Variants in SCHIP1 observed in about 807,000 individuals in gnomAD.
SCHIP1 encodes schwannomin-interacting protein 1.
A neutral mutation model predicts 29.7 loss-of-function variants in SCHIP1; 8 were observed. The observed-to-expected ratio is 0.27, with a 90% CI of 0.16 to 0.49. The LOEUF is 0.49. SCHIP1 is among the 20% of genes least tolerant of loss of function. The pLI is 0.99. For synonymous variants in SCHIP1, 76 were observed against 94.9 expected, an observed-to-expected ratio of 0.80 and a Z score of 1.16; for missense variants, 193 against 294.6, an observed-to-expected ratio of 0.66 and a Z score of 2.52.
the SCHIP1 span, among the ~76,000 whole-genome samples, chr3:159,488,443 C>G: frequency 1.3e-5 from 2 of 151,802 alleles, no homozygotes; most frequent in Non-Finnish European, 2.9e-5. Flanking sequence ...TTTATGTACC[C>G]CATAAATATA....
At chr3:159,539,219 G>T in the SCHIP1 span, among the ~76,000 whole-genome samples, 2 of 142,024 alleles carry the variant, frequency 1.4e-5, no homozygotes, top group African/African-American at 2.5e-5. Context: ...TAACTTTTTG[G>T]TAGTCAATAA....
At chr3:159,799,551 C>G in the SCHIP1 span, among the ~76,000 whole-genome samples, 1 of 152,184 alleles carries the variant, frequency 6.6e-6, no homozygotes, top group Non-Finnish European at 1.5e-5. Flanking sequence ...AGCCTGCTGG[C>G]CAACTGACAG....
At chr3:159,465,315 T>TTGTGTGTGTGTGTG in the SCHIP1 span, among the ~76,000 whole-genome samples, 2 of 148,276 alleles carry the variant, frequency 1.3e-5, no homozygotes, top group African/African-American at 4.9e-5. Flanking sequence ...ATGTGTATGA[T>TTGTGTGTGTGTGTG]TGTGTGTGTG....
chr3:159,654,217 C>A, the SCHIP1 span, among the ~76,000 whole-genome samples: 1 of 152,118 alleles, frequency 6.6e-6, no homozygotes, highest in Non-Finnish European at 1.5e-5. Flanking sequence ...AGAATTTTAA[C>A]ATTAATAAAA....
At chr3:159,701,024 AT>A in the SCHIP1 span, among the ~76,000 whole-genome samples, 1 of 152,166 alleles carries the variant, frequency 6.6e-6, no homozygotes, top group East Asian at 1.9e-4. Flanking sequence ...AATGAGGATG[AT>A]TAAAGTTCCT....
chr3:159,688,516 G>GTT, the SCHIP1 span, among the ~76,000 whole-genome samples: 1 of 152,100 alleles, frequency 6.6e-6, no homozygotes, highest in Admixed American at 6.5e-5. Context: ...CAGATGGGTA[G>GTT]ATTGCAAAAA....
chr3:159,289,862 C>T, the SCHIP1 span, among the ~76,000 whole-genome samples: 1 of 152,334 alleles, frequency 6.6e-6, no homozygotes, highest in Admixed American at 6.5e-5. Flanking sequence ...AACGTTCTTA[C>T]AAGTGAAGGG....
chr3:159,728,758 T>C, the SCHIP1 span, among the ~76,000 whole-genome samples: 4 of 152,334 alleles, frequency 2.6e-5, no homozygotes, highest in South Asian at 8.3e-4. Context: ...TGAGAGGCCC[T>C]GGATCCCTGG....
chr3:159,315,505 T>C, the SCHIP1 span, among the ~76,000 whole-genome samples: 1 of 151,488 alleles, frequency 6.6e-6, no homozygotes, highest in Non-Finnish European at 1.5e-5. Flanking sequence ...TTAGGACTTC[T>C]AATGCTTGTA....
At chr3:159,729,435 T>C in the SCHIP1 span, among the ~76,000 whole-genome samples, 1 of 152,148 alleles carries the variant, frequency 6.6e-6, no homozygotes, top group South Asian at 2.1e-4. Context: ...TATTTACAGA[T>C]GATATGATCG....
At chr3:159,853,334 A>T (rs545889999) in intron 1 of SCHIP1, 2 of 675,868 alleles carry the variant, frequency 3.0e-6, no homozygotes, top group Admixed American at 4.3e-5. Context: ...GCCTATCAGA[A>T]TTCATGGGAG....
At chr3:159,506,432 T>C in the SCHIP1 span, among the ~76,000 whole-genome samples, 2 of 152,236 alleles carry the variant, frequency 1.3e-5, no homozygotes, top group South Asian at 4.1e-4. Flanking sequence ...TTCACTCTGA[T>C]GGTAGTTTCT....
chr3:159,750,564 A>G, the SCHIP1 span, among the ~76,000 whole-genome samples: 1 of 152,164 alleles, frequency 6.6e-6, no homozygotes, highest in Non-Finnish European at 1.5e-5. Flanking sequence ...GCCAGGTAGG[A>G]TGTGGAATCA....
chr3:159,490,368 A>C, the SCHIP1 span, among the ~76,000 whole-genome samples: 1 of 152,338 alleles, frequency 6.6e-6, no homozygotes, highest in East Asian at 1.9e-4. Context: ...AAAATGTAAC[A>C]ATATGCAAAT....
At chr3:159,780,268 A>G in the SCHIP1 span, among the ~76,000 whole-genome samples, 1 of 152,212 alleles carries the variant, frequency 6.6e-6, no homozygotes, top group Non-Finnish European at 1.5e-5. Flanking sequence ...TGAAGGGACC[A>G]TGGCTGTGAC....
At chr3:159,586,532 G>C in the SCHIP1 span, among the ~76,000 whole-genome samples, 1 of 152,104 alleles carries the variant, frequency 6.6e-6, no homozygotes, top group Admixed American at 6.6e-5. Context: ...ATTAAATGCT[G>C]TATCCAGAAA....
chr3:159,312,169 T>C, the SCHIP1 span, among the ~76,000 whole-genome samples: 1 of 152,276 alleles, frequency 6.6e-6, no homozygotes, highest in South Asian at 2.1e-4. Flanking sequence ...ATCTCCTATA[T>C]TAATATTTTC....
chr3:159,456,992 G>C, the SCHIP1 span, among the ~76,000 whole-genome samples: 7 of 152,000 alleles, frequency 4.6e-5, no homozygotes, highest in African/African-American at 1.7e-4. Context: ...TAATTAGCGT[G>C]GCAAAATAAA....
the SCHIP1 span, among the ~76,000 whole-genome samples, chr3:159,819,013 C>G: frequency 6.6e-6 from 1 of 152,316 alleles, no homozygotes; most frequent in Non-Finnish European, 1.5e-5. Flanking sequence ...GTTTGTGGCA[C>G]AGAATTTCTC....
Sources: gnomAD v4.1 joint callset for allele counts (sites outside exome capture counted in the v4.1 genomes callset) on GRCh38, gnomAD v4.1.1 for gene constraint, MANE v1.5 for transcripts, NCBI Gene and HGNC (gene_info 2026-07-23, HGNC 2026-07-21) for gene names.